The following MGST2 variants were observed in gnomAD, a reference collection of about 807,000 sequenced individuals.
MGST2 encodes the protein glutathione peroxidase MGST2.
In MGST2, 9 loss-of-function variants were observed where a neutral mutation model predicts 16.6. The ratio of observed to expected loss-of-function variants is 0.54; its 90% confidence interval spans 0.33 to 0.95. MGST2 has a LOEUF of 0.95. MGST2 is among the 40% of genes least tolerant of loss of function. The pLI is 0.03. For missense variants in MGST2, 159 were observed against 175.1 expected, an observed-to-expected ratio of 0.91 and a Z score of 0.52; for synonymous variants, 79 against 68.0, an observed-to-expected ratio of 1.16 and a Z score of -0.79.
chr4:139,753,188 T>A, the MGST2 span, among the ~76,000 whole-genome samples: 5 of 152,242 alleles, frequency 3.3e-5, no homozygotes, highest in African/African-American at 1.2e-4. Flanking sequence ...TTTATCATTT[T>A]AACTCCTTTT....
chr4:139,709,060 CAAT>C (rs975420912), downstream of MGST2, among the ~76,000 whole-genome samples: 2 of 116,288 alleles, frequency 1.7e-5, no homozygotes, highest in African/African-American at 6.4e-5. Context: ...CTTTGTGAGA[CAAT>C]GGAAAAAATT....
intron 5 of MGST2, among the ~76,000 whole-genome samples, chr4:139,732,626 G>A (rs1329866298): frequency 6.8e-6 from 1 of 147,684 alleles, no homozygotes; most frequent in Admixed American, 6.7e-5. Context: ...TTTAAAAAAT[G>A]TAACTTAAAA....
At chr4:139,717,758 GGGA>G (rs1268158247) in intron 5 of MGST2, 6 of 152,444 alleles carry the variant, frequency 3.9e-5, no homozygotes, top group Non-Finnish European at 8.8e-5. Flanking sequence ...AGGACACGGA[GGGA>G]GGAGGGGACA....
chr4:139,732,472 T>C (rs1728763668), intron 5 of MGST2, among the ~76,000 whole-genome samples: 1 of 152,112 alleles, frequency 6.6e-6, no homozygotes, highest in Non-Finnish European at 1.5e-5. Context: ...GCTACTCCTC[T>C]TACCCTAGAA....
At chr4:139,700,254 C>T (rs1727174183) in intron 3 of MGST2, among the ~76,000 whole-genome samples, 1 of 150,968 alleles carries the variant, frequency 6.6e-6, no homozygotes. Flanking sequence ...GCCTCAGCCT[C>T]CGGAGTAGCT....
At chr4:139,677,904 G>C (rs1230735109) in intron 1 of MGST2, among the ~76,000 whole-genome samples, 1 of 152,204 alleles carries the variant, frequency 6.6e-6, no homozygotes, top group Non-Finnish European at 1.5e-5. Flanking sequence ...TGGGCAAATT[G>C]TGCTTTGTAG....
chr4:139,698,614 G>A, intron 3 of MGST2: 5 of 828,236 alleles, frequency 6.0e-6, no homozygotes, highest in Non-Finnish European at 1.0e-5. Context: ...GCGAGCGAGA[G>A]GCGGCGCTGG....
intron 4 of MGST2, among the ~76,000 whole-genome samples, 155 bp downstream of exon 4, chr4:139,703,691 A>G (rs1253911269): frequency 6.6e-6 from 1 of 152,196 alleles, no homozygotes; most frequent in Admixed American, 6.5e-5. Flanking sequence ...GTTCATACAC[A>G]ATTAGGCATG....
At chr4:139,739,875 G>A (rs1470956581) in intron 5 of MGST2, among the ~76,000 whole-genome samples, 1 of 152,000 alleles carries the variant, frequency 6.6e-6, no homozygotes, top group Non-Finnish European at 1.5e-5. Flanking sequence ...AGCTTGTTAA[G>A]AATAAGGCTA....
chr4:139,724,324 G>GTT (rs904582307), intron 5 of MGST2, among the ~76,000 whole-genome samples: 16 of 152,198 alleles, frequency 1.1e-4, no homozygotes, highest in African/African-American at 3.6e-4. Context: ...TATACATGTG[G>GTT]GTTTAAAACA....
At chr4:139,724,607 CTT>C (rs1248889742) in intron 5 of MGST2, among the ~76,000 whole-genome samples, 1 of 152,098 alleles carries the variant, frequency 6.6e-6, no homozygotes, top group Non-Finnish European at 1.5e-5. Context: ...GAATAGGTAA[CTT>C]TTGAGAAGCT....
chr4:139,719,617 G>A (rs770514552), intron 5 of MGST2: 1 of 1,612,638 alleles, frequency 6.2e-7, no homozygotes, highest in Admixed American at 1.7e-5. Context: ...GCCTCGCCTG[G>A]CTGGTGCCTT....
At chr4:139,721,639 T>G (rs1400890037) in intron 5 of MGST2, among the ~76,000 whole-genome samples, 2 of 152,212 alleles carry the variant, frequency 1.3e-5, no homozygotes, top group African/African-American at 4.8e-5. Context: ...GAAAGAAAAT[T>G]ACTGGAATTT....
intron 5 of MGST2, chr4:139,718,091 A>C (rs1047006540): frequency 7.2e-5 from 11 of 152,156 alleles, no homozygotes; most frequent in Admixed American, 4.6e-4. Flanking sequence ...TTTTTAGAGC[A>C]TCACTCCCAG....
intron 2 of MGST2, among the ~76,000 whole-genome samples, chr4:139,683,926 T>G (rs1374795323): frequency 2.1e-5 from 3 of 140,572 alleles, no homozygotes; most frequent in Non-Finnish European, 3.1e-5. Flanking sequence ...TGTGTTTTTT[T>G]TTTTTTTTTT....
chr4:139,743,277 T>G (rs148232802), downstream of MGST2, among the ~76,000 whole-genome samples: 1 of 152,348 alleles, frequency 6.6e-6, no homozygotes, highest in East Asian at 1.9e-4. Context: ...GGGTGATTAA[T>G]GCTGGAGTAG....
At chr4:139,685,037 T>G (rs1731485129) in intron 2 of MGST2, 1 of 152,438 alleles carries the variant, frequency 6.6e-6, no homozygotes, top group Non-Finnish European at 1.5e-5. Flanking sequence ...CCTGAGCTTC[T>G]TTTGGTTCTG....
Position 139,704,038 on chromosome 4 carries a change from C to G in MGST2, c.334C>G (p.Leu112Val), listed in dbSNP as rs757519379. 1.2e-6 allele frequency: 2 copies of G among 1,614,118 alleles called. No individual in the cohort carries two copies. Among genetic ancestry groups the G allele is most frequent in the Admixed American group, 3.3e-5 (2 of 60,018 alleles). ...KKRITGFRLS[L>V]GILALLTLLG... ...CAGGATCACCGGTTTCCGACTGAGT[C>G]TGGGGATTTTGGCCTTGTTGACCCT... The change falls in exon 5 of 5, where the codon CTG becomes GTG. Residue 112 changes from leucine to valine, a missense_variant. Transcript: ENST00000265498.
chr4:139,719,891 TG>T (rs770808012), intron 5 of MGST2: 1 of 1,614,012 alleles, frequency 6.2e-7, no homozygotes, highest in Non-Finnish European at 8.5e-7. Flanking sequence ...CATAAGGCTC[TG>T]CAGCCTTGGA....
Sources: gnomAD v4.1 joint callset for allele counts (sites outside exome capture counted in the v4.1 genomes callset) on GRCh38, gnomAD v4.1.1 for gene constraint, MANE v1.5 for transcripts, NCBI Gene and HGNC (gene_info 2026-07-23, HGNC 2026-07-21) for gene names.